VPS13B: variants seen among roughly 807,000 people sequenced by gnomAD.
VPS13B encodes the protein vacuolar protein sorting 13 homolog B.
VPS13B carries 285 observed loss-of-function variants against 426.4 expected under a neutral mutation model. The observed-to-expected ratio is 0.67, with a 90% CI of 0.61 to 0.74. VPS13B has a LOEUF of 0.74. Among genes scored for constraint, VPS13B ranks in the 30% least tolerant of loss-of-function variants. The pLI is 0.00. For synonymous variants in VPS13B, 1,676 were observed against 1,676.4 expected (o/e 1.00, Z 0.01); for missense variants, 4,537 against 4,782.6 (o/e 0.95, Z 1.51).
intron 33 of VPS13B, among the ~76,000 whole-genome samples, chr8:99,640,589 C>A (rs1424509934): frequency 6.6e-6 from 1 of 152,068 alleles, no homozygotes; most frequent in African/African-American, 2.4e-5. Context: ...CTTCTAGGAG[C>A]CTGTCTGTCC....
At chr8:99,691,719 A>G (rs1831674746) in intron 35 of VPS13B, among the ~76,000 whole-genome samples, 1 of 148,336 alleles carries the variant, frequency 6.7e-6, no homozygotes. Flanking sequence ...AAATGGACTA[A>G]ATGCTCCAAT....
At chr8:99,058,294 T>TTTTTTTA (rs1176762939) in intron 3 of VPS13B, among the ~76,000 whole-genome samples, 3 of 151,750 alleles carry the variant, frequency 2.0e-5, no homozygotes, top group Non-Finnish European at 4.4e-5. Flanking sequence ...TAATGCCCCC[T>TTTTTTTA]TTTTTTATTT....
At chr8:99,412,181 G>A (rs1050255269) in intron 21 of VPS13B, among the ~76,000 whole-genome samples, 7 of 152,006 alleles carry the variant, frequency 4.6e-5, no homozygotes, top group African/African-American at 1.5e-4. Flanking sequence ...CTATCCATGA[G>A]TATGGAATGT....
intron 19 of VPS13B, among the ~76,000 whole-genome samples, chr8:99,287,224 A>G (rs962492010): frequency 6.2e-5 from 7 of 112,282 alleles, no homozygotes; most frequent in South Asian, 6.3e-4. Context: ...GTGTGTATCT[A>G]TCTGTCTGTC....
intron 43 of VPS13B, among the ~76,000 whole-genome samples, chr8:99,805,490 A>T (rs543453680): frequency 6.6e-6 from 1 of 152,278 alleles, no homozygotes; most frequent in African/African-American, 2.4e-5. Flanking sequence ...TCTTAAATAT[A>T]TCAATTCAGG....
chr8:99,580,028 C>T (rs1444817157), intron 33 of VPS13B, among the ~76,000 whole-genome samples: 2 of 151,438 alleles, frequency 1.3e-5, no homozygotes, highest in Non-Finnish European at 2.9e-5. Flanking sequence ...CTTTTGAGAA[C>T]AAAAGAAAAA....
At chr8:99,372,236 C>T (rs1464235473) in intron 19 of VPS13B, among the ~76,000 whole-genome samples, 14 of 142,092 alleles carry the variant, frequency 9.9e-5, no homozygotes, top group African/African-American at 1.6e-4. Context: ...TGGGCGACAG[C>T]GAGACTCCGT....
chr8:99,219,986 A>G (rs1472444685), intron 17 of VPS13B, among the ~76,000 whole-genome samples: 1 of 152,192 alleles, frequency 6.6e-6, no homozygotes, highest in Non-Finnish European at 1.5e-5. Context: ...TTTAAAGTCC[A>G]TAAAACTGGT....
intron 23 of VPS13B, among the ~76,000 whole-genome samples, chr8:99,455,139 T>C (rs1310124310): frequency 2.6e-5 from 4 of 152,190 alleles, no homozygotes; most frequent in African/African-American, 9.6e-5. Context: ...CTTTCTTTAA[T>C]GGATCAAGCA....
Position 99,657,470 on chromosome 8 carries a change from TTG to T in VPS13B, c.5909-3860_5909-3859del, listed in dbSNP as rs34355540. 7.9e-3 allele frequency among the ~76,000 whole-genome samples: 1,161 copies of T among 147,004 alleles called. 9 individuals carry two copies. Among genetic ancestry groups the T allele is most frequent in the South Asian group, 0.031 (143 of 4,558 alleles). ...TGATCATTCAGCAGTACTTTAAAAA[TTG>T]TGTGTGTGTGTGTGTGTGTGTGTAT... On this transcript the variant is annotated intron_variant, in intron 34 of 61. Transcript: ENST00000357162.
intron 3 of VPS13B, among the ~76,000 whole-genome samples, chr8:99,050,169 T>A (rs1030394223): frequency 6.6e-6 from 1 of 152,130 alleles, no homozygotes; most frequent in Non-Finnish European, 1.5e-5. Flanking sequence ...TATCTCCTAA[T>A]GCTATCGCTC....
At chr8:99,070,349 G>A (rs899886044) in intron 3 of VPS13B, among the ~76,000 whole-genome samples, 1 of 152,174 alleles carries the variant, frequency 6.6e-6, no homozygotes. Context: ...GTTTTGGAAT[G>A]GATGCATGAA....
intron 19 of VPS13B, among the ~76,000 whole-genome samples, chr8:99,317,773 C>T (rs1282751565): frequency 6.6e-6 from 1 of 152,102 alleles, no homozygotes; most frequent in Non-Finnish European, 1.5e-5. Context: ...TGGGACTTCT[C>T]TTTGAATTGA....
intron 42 of VPS13B, 137 bp from the exon 43 acceptor site, chr8:99,784,178 A>C: frequency 9.5e-7 from 1 of 1,053,504 alleles, no homozygotes; most frequent in East Asian, 2.4e-5. Context: ...GCAGTATAGA[A>C]TACTTTGTAT....
At chr8:99,289,434 T>C (rs1041034315) in intron 19 of VPS13B, among the ~76,000 whole-genome samples, 2 of 152,120 alleles carry the variant, frequency 1.3e-5, no homozygotes, top group Non-Finnish European at 2.9e-5. Flanking sequence ...AGTTCCTGTC[T>C]TCTTGATTTG....
intron 21 of VPS13B, among the ~76,000 whole-genome samples, chr8:99,416,019 G>A (rs1023613223): frequency 4.6e-5 from 7 of 152,176 alleles, no homozygotes; most frequent in South Asian, 2.1e-4. Flanking sequence ...GCCCACAGCC[G>A]CACCTTCCTG....
At chr8:99,702,228 T>C (rs1159719942) in intron 36 of VPS13B, among the ~76,000 whole-genome samples, 1 of 152,218 alleles carries the variant, frequency 6.6e-6, no homozygotes, top group African/African-American at 2.4e-5. Flanking sequence ...TACATTCAAC[T>C]GAAATTTTTT....
At chr8:99,477,581 C>G (rs955442297) in intron 24 of VPS13B, among the ~76,000 whole-genome samples, 8 of 152,196 alleles carry the variant, frequency 5.3e-5, no homozygotes, top group African/African-American at 1.7e-4. Context: ...TACTTAAATA[C>G]CTTTCTTTGA....
chr8:99,735,623 C>T (rs182349211), intron 39 of VPS13B, among the ~76,000 whole-genome samples: 22 of 152,240 alleles, frequency 1.4e-4, no homozygotes, highest in Admixed American at 5.9e-4. Context: ...CTTCTAAACT[C>T]CAGAACTGCC....
Sources: allele counts gnomAD v4.1 joint callset (sites outside exome capture counted in the v4.1 genomes callset), GRCh38; gene constraint gnomAD v4.1.1; transcripts MANE v1.5; gene names NCBI Gene and HGNC (gene_info 2026-07-23, HGNC 2026-07-21).